HS3ST3B1: variants seen among roughly 807,000 people sequenced by gnomAD.
HS3ST3B1 encodes the protein heparan sulfate-glucosamine 3-sulfotransferase 3B1, also known as heparan sulfate glucosamine 3-O-sulfotransferase 3B1.
Under a neutral mutation model 21.3 loss-of-function variants are expected in HS3ST3B1, and 13 were observed. The observed-to-expected ratio is 0.61, with a 90% CI of 0.40 to 0.97. HS3ST3B1 has a LOEUF of 0.97. Among genes scored for constraint, HS3ST3B1 ranks in the 50% least tolerant of loss-of-function variants. The pLI, the probability that HS3ST3B1 is intolerant of heterozygous loss-of-function variation, is 0.00. For synonymous variants in HS3ST3B1, 234 were observed against 254.8 expected (o/e 0.92, Z 0.78); for missense variants, 459 against 554.8 (o/e 0.83, Z 1.73).
In HS3ST3B1 at chr17:14,301,927, C is replaced by T; in HGVS notation, c.409C>T (p.Leu137=). The T allele has an allele frequency of 1.2e-6, 2 of 1,609,570 alleles. No homozygotes were observed. Among genetic ancestry groups the T allele is most frequent in the Non-Finnish European group, 1.7e-6 (2 of 1,178,582 alleles). ...TTTCAGTGGGTCTGGGAGCAAGCAG[C>T]TGCCGCAGGCCATCATCATCGGCGT... ...SFFSGSGSKQ[L]PQAIIIGVKK... The change falls in exon 1 of 2, where the codon CTG becomes TTG. Residue 137 remains leucine, a synonymous_variant. Coordinates refer to ENST00000360954, the MANE Select transcript of HS3ST3B1 (RefSeq NM_006041.3).
Position 14,301,254 on chromosome 17 carries a change from A to T in HS3ST3B1, c.-265A>T, listed in dbSNP as rs1023226782. Reference sequence around the variant, plus strand: ...GCGCGTCGTCGCGCCCCGGGAGCAGACCCTCGCCCAGCAGTTACCGCCGTC... The same window carrying T: ...GCGCGTCGTCGCGCCCCGGGAGCAGTCCCTCGCCCAGCAGTTACCGCCGTC... On this transcript the variant is annotated 5_prime_UTR_variant, in exon 1 of 2. Coordinates refer to ENST00000360954, the MANE Select transcript of HS3ST3B1 (RefSeq NM_006041.3). The T allele has an allele frequency of 8.4e-6, 4 of 479,014 alleles. No homozygotes were observed. The highest frequency in any genetic ancestry group is 1.5e-5 in the Non-Finnish European group (4 of 274,640). 29.7% of individuals were successfully genotyped at this position (479,014 alleles called of 1,614,324 possible). A position where few individuals can be genotyped will look rare whatever the true frequency, so the allele number is the denominator to read the frequency against.
rs1354037938 is a variant in HS3ST3B1 at position 14,348,479 on chromosome 17, C to G, written c.*2833C>G. The G allele has an allele frequency of 2.6e-5, 4 of 152,224 alleles. No homozygotes were observed. The highest frequency in any genetic ancestry group is 9.6e-5 in the African/African-American group (4 of 41,452). The allele number at this position is 152,224 out of a possible 1,614,324, so 9.4% of individuals were successfully genotyped here. A position where few individuals can be genotyped will look rare whatever the true frequency, so the allele number is the denominator to read the frequency against. ...TTCCTAACAGATCTGGTTGCAGCAT[C>G]TGCCGGAGCTTGCACCCCATCATCG... is the stretch of plus-strand genomic sequence containing the variant. On this transcript the variant is annotated 3_prime_UTR_variant, in exon 2 of 2. Coordinates refer to ENST00000360954, the MANE Select transcript of HS3ST3B1 (RefSeq NM_006041.3).
chr17:14,339,122 G>A (rs72820610), intron 1 of HS3ST3B1, among the ~76,000 whole-genome samples: 4 of 152,262 alleles, frequency 2.6e-5, no homozygotes, highest in South Asian at 2.1e-4. Flanking sequence ...ATATGTGCCA[G>A]GTTTACGTGC....
chr17:14,345,052 C>A lies in HS3ST3B1; in HGVS notation c.579C>A (p.Asp193Glu), dbSNP rs373113353. 112 of 1,598,662 alleles carry A rather than the reference C, an allele frequency of 7.0e-5. No individual in the cohort carries two copies. The highest frequency in any genetic ancestry group is 3.5e-5 in the Non-Finnish European group (41 of 1,171,242). Reference protein sequence around the residue: ...WYRDLMPRTLDGQITMEKTPS... With the variant: ...WYRDLMPRTLEGQITMEKTPS... The stretch of plus-strand genomic sequence containing the variant: ...GGGACCTGATGCCCAGAACCCTGGA[C>A]GGGCAGATCACCATGGAGAAGACGC... Residue 193 changes from aspartate (D) to glutamate (E), a missense_variant, in exon 2 of 2, where the codon GAC becomes GAA. Physicochemically the swap from Asp to Glu is conservative, Grantham distance 45. This residue lies in a region of HS3ST3B1 where 317 missense variants were observed against 278.6 expected (regional missense o/e 1.14). Transcript: ENST00000360954.
Position 14,302,061 on chromosome 17 carries a change from C to T in HS3ST3B1, c.543C>T (p.Leu181=), listed in dbSNP as rs754979107. ...HFFDRSYDKG[L]AWYRDLMPRT... ...TCGATCGCAGCTACGACAAGGGCCT[C>T]GCTTGGTACCGGTGAGTTTCCCTGC... Residue 181 remains leucine (L), a synonymous_variant, in exon 1 of 2, where the codon CTC becomes CTT. Transcript: ENST00000360954. 3.1e-6 allele frequency: 5 copies of T among 1,600,458 alleles called. No homozygotes were observed. In the South Asian group the frequency reaches 3.3e-5, roughly 11 times the overall value.
At chr17:14,323,351 G>A (rs866381796) in intron 1 of HS3ST3B1, among the ~76,000 whole-genome samples, 1 of 152,188 alleles carries the variant, frequency 6.6e-6, no homozygotes, top group Non-Finnish European at 1.5e-5. Context: ...AGCAAGGGTA[G>A]CATTCTGTCG....
intron 1 of HS3ST3B1, among the ~76,000 whole-genome samples, chr17:14,332,304 C>G (rs1224760313): frequency 4.6e-5 from 7 of 152,120 alleles, no homozygotes; most frequent in Non-Finnish European, 7.3e-5. Flanking sequence ...GTGATTAGGA[C>G]TGTAATGACC....
chr17:14,318,074 C>T (rs1293471271), intron 1 of HS3ST3B1, among the ~76,000 whole-genome samples: 1 of 152,130 alleles, frequency 6.6e-6, no homozygotes, highest in Non-Finnish European at 1.5e-5. Flanking sequence ...GCGGAATCCA[C>T]ACACCCCCTC....
intron 1 of HS3ST3B1, among the ~76,000 whole-genome samples, chr17:14,331,805 G>C (rs72820604): frequency 0.018 from 2,776 of 152,154 alleles, 43 homozygotes; most frequent in South Asian, 0.063. Context: ...CCCCCAAATG[G>C]AGATAATTAT....
chr17:14,310,158 G>A (rs1261296782), intron 1 of HS3ST3B1, among the ~76,000 whole-genome samples: 1 of 152,192 alleles, frequency 6.6e-6, no homozygotes, highest in Non-Finnish European at 1.5e-5. Context: ...GACTGGGATG[G>A]AGAGGAGGAA....
At chr17:14,326,836 G>A (rs899261935) in intron 1 of HS3ST3B1, among the ~76,000 whole-genome samples, 4 of 149,836 alleles carry the variant, frequency 2.7e-5, no homozygotes, top group Non-Finnish European at 5.9e-5. Flanking sequence ...CAGGAGACTC[G>A]CTTGAACCCG....
chr17:14,342,890 T>G (rs7220003), intron 1 of HS3ST3B1, among the ~76,000 whole-genome samples: 29,289 of 152,188 alleles, frequency 0.19, 2,882 homozygotes, highest in Admixed American at 0.27. Flanking sequence ...ATGTGATAAA[T>G]AATTGTGCAT....
intron 1 of HS3ST3B1, among the ~76,000 whole-genome samples, chr17:14,306,089 G>A (rs1259861748): frequency 1.3e-5 from 2 of 152,208 alleles, no homozygotes; most frequent in Non-Finnish European, 2.9e-5. Context: ...GTTTGCTTTA[G>A]AAGAGTTTGA....
intron 1 of HS3ST3B1, among the ~76,000 whole-genome samples, chr17:14,311,381 G>A (rs1333310722): frequency 6.6e-6 from 1 of 152,108 alleles, no homozygotes; most frequent in East Asian, 1.9e-4. Flanking sequence ...GCCAGACCCA[G>A]ACCGTATTTT....
At chr17:14,337,305 G>A (rs1358256071) in intron 1 of HS3ST3B1, among the ~76,000 whole-genome samples, 1 of 151,066 alleles carries the variant, frequency 6.6e-6, no homozygotes, top group Admixed American at 6.6e-5. Flanking sequence ...GTGTGTTTAG[G>A]GGCAACAAGT....
chr17:14,326,561 G>T (rs1338194068), intron 1 of HS3ST3B1, among the ~76,000 whole-genome samples: 1 of 152,180 alleles, frequency 6.6e-6, no homozygotes, highest in Non-Finnish European at 1.5e-5. Context: ...GTCTCATTGA[G>T]TAGGCTTTGT....
intron 1 of HS3ST3B1, among the ~76,000 whole-genome samples, chr17:14,318,134 CT>C (rs1317370856): frequency 6.6e-6 from 1 of 152,146 alleles, no homozygotes; most frequent in Non-Finnish European, 1.5e-5. Flanking sequence ...CACCTTCGTT[CT>C]GTGGTTTGAA....
chr17:14,329,024 G>A (rs1356002878), intron 1 of HS3ST3B1: 1 of 152,012 alleles, frequency 6.6e-6, no homozygotes, highest in Non-Finnish European at 1.5e-5. Flanking sequence ...GTTTTTAGTG[G>A]ATTGCCGTGA....
At chr17:14,302,976 C>A (rs1292867185) in intron 1 of HS3ST3B1, among the ~76,000 whole-genome samples, 4 of 152,288 alleles carry the variant, frequency 2.6e-5, no homozygotes, top group East Asian at 1.9e-4. Context: ...GTTCTCGAGT[C>A]GGGTTGCGGG....
Sources: gnomAD v4.1 joint callset for allele counts (sites outside exome capture counted in the v4.1 genomes callset) on GRCh38, gnomAD v4.1.1 for gene constraint, gnomAD v4.1.1 regional missense constraint, MANE v1.5 for transcripts, NCBI Gene and HGNC (gene_info 2026-07-23, HGNC 2026-07-21) for gene names.